Variants in GCM1 observed in about 807,000 individuals in gnomAD.
GCM1 encodes the protein GCM transcription factor 1, also known as chorion-specific transcription factor GCMa.
GCM1 carries 2 observed loss-of-function variants against 25.7 expected under a neutral mutation model. The observed-to-expected ratio is 0.08, with a 90% confidence interval of 0.03 to 0.24. The LOEUF is 0.24. Among genes scored for constraint, GCM1 ranks in the 10% least tolerant of loss-of-function variants. The pLI is 1.00. For synonymous variants in GCM1, 183 were observed against 195.7 expected, an observed-to-expected ratio of 0.94 and a Z score of 0.54; for missense variants, 395 against 538.7, an observed-to-expected ratio of 0.73 and a Z score of 2.64.
chr6:53,128,344 G>A lies in GCM1; in HGVS notation c.1173C>T (p.Phe391=), dbSNP rs1440828593. ...YHSPQEDPFL[F]TYASHPHQQY... ...GCTGATGAGGATGAGAGGCGTAGGT[G>A]AAGAGAAAGGGGTCTTCTTGAGGTG... is the stretch of plus-strand genomic sequence containing the variant. The change falls in exon 6 of 6, where the codon TTC becomes TTT. Residue 391 remains phenylalanine, a synonymous_variant. Transcript: ENST00000259803. The A allele has an allele frequency of 6.2e-7, 1 of 1,613,948 alleles. No homozygotes were observed. The highest frequency in any genetic ancestry group is 8.5e-7 in the Non-Finnish European group (1 of 1,179,928).
At chr6:53,144,801 G>C (rs529918999) in intron 2 of GCM1, among the ~76,000 whole-genome samples, 70 of 151,898 alleles carry the variant, frequency 4.6e-4, no homozygotes, top group Non-Finnish European at 8.4e-4. Context: ...TATGGTCCCA[G>C]CTACTTGGGA....
intron 3 of GCM1, 84 bp from the exon 4 acceptor site, chr6:53,132,203 C>T: frequency 1.1e-6 from 1 of 869,806 alleles, no homozygotes; most frequent in Non-Finnish European, 2.0e-6. Context: ...GATTTTAGCC[C>T]TGACTCAAGG....
Position 53,128,654 on chromosome 6 carries a change from T to G in GCM1, c.863A>C (p.Tyr288Ser), listed in dbSNP as rs1446055293. 1 of 1,613,754 alleles carries G rather than the reference T, an allele frequency of 6.2e-7. No individual in the cohort carries two copies. The highest frequency in any genetic ancestry group is 8.5e-7 in the Non-Finnish European group (1 of 1,179,768). Residue 288 changes from tyrosine to serine, a missense_variant, in exon 6 of 6, where the codon TAC (tyrosine) becomes TCC (serine). By Grantham distance (144) the Tyr-to-Ser change is moderately radical (BLOSUM62 -2). This residue lies in a region of GCM1 where 291 missense variants were observed against 314.6 expected (regional missense o/e 0.92). Coordinates refer to ENST00000259803, the MANE Select transcript of GCM1 (RefSeq NM_003643.4). ...DLLPPSASGV[Y>S]SDHGDLQAWS... The stretch of plus-strand genomic sequence containing the variant: ...CGCTTGTAGATCGCCATGATCAGAG[T>G]AGACTCCGGAGGCAGAAGGAGGAAG...
chr6:53,144,598 C>T (rs1322006270), intron 2 of GCM1, among the ~76,000 whole-genome samples: 1 of 147,190 alleles, frequency 6.8e-6, no homozygotes, highest in Admixed American at 7.0e-5. Context: ...TCAGGACCAG[C>T]CTGGGCAACA....
At chr6:53,142,026 A>AGG (rs1763881226) in intron 2 of GCM1, among the ~76,000 whole-genome samples, 1 of 139,412 alleles carries the variant, frequency 7.2e-6, no homozygotes, top group Non-Finnish European at 1.5e-5. Flanking sequence ...AAAAAAAAAA[A>AGG]AAAAAAAAAA....
intron 2 of GCM1, among the ~76,000 whole-genome samples, chr6:53,134,865 C>A (rs901272950): frequency 6.6e-6 from 1 of 152,176 alleles, no homozygotes; most frequent in African/African-American, 2.4e-5. Context: ...TCTCGTACCA[C>A]TCTGTGGTTA....
chr6:53,136,026 T>C (rs1763793345), intron 2 of GCM1, among the ~76,000 whole-genome samples: 1 of 152,232 alleles, frequency 6.6e-6, no homozygotes, highest in African/African-American at 2.4e-5. Flanking sequence ...AAACTATAGA[T>C]TCCATATAAC....
At chr6:53,144,781 G>T (rs762637963) in intron 2 of GCM1, among the ~76,000 whole-genome samples, 2 of 151,954 alleles carry the variant, frequency 1.3e-5, no homozygotes, top group Non-Finnish European at 2.9e-5. Context: ...TGGGCTTGTT[G>T]GCGTGTGCCT....
chr6:53,129,772 C>G (rs1206652650), intron 5 of GCM1, among the ~76,000 whole-genome samples: 1 of 152,110 alleles, frequency 6.6e-6, no homozygotes, highest in Non-Finnish European at 1.5e-5. Flanking sequence ...TTCCTTTCCT[C>G]AAGAGATTTT....
At chr6:53,135,796 TA>T (rs746958284) in intron 2 of GCM1, among the ~76,000 whole-genome samples, 4 of 151,494 alleles carry the variant, frequency 2.6e-5, no homozygotes, top group Admixed American at 1.3e-4. Context: ...GCCCACAACA[TA>T]AAAAAAAGAC....
At chr6:53,130,009 A>G (rs1581848607) in intron 5 of GCM1, among the ~76,000 whole-genome samples, 1 of 152,314 alleles carries the variant, frequency 6.6e-6, no homozygotes, top group Non-Finnish European at 1.5e-5. Flanking sequence ...GGTAGATTGG[A>G]TGAGAGACTG....
chr6:53,145,494 G>A (rs539581859), intron 2 of GCM1, 64 bp downstream of exon 2: 13 of 865,522 alleles, frequency 1.5e-5, no homozygotes, highest in South Asian at 4.0e-5. Flanking sequence ...CCAGGTCTCC[G>A]CATGTTAATA....
At chr6:53,135,169 C>T (rs1763781394) in intron 2 of GCM1, among the ~76,000 whole-genome samples, 2 of 152,158 alleles carry the variant, frequency 1.3e-5, no homozygotes, top group African/African-American at 4.8e-5. Context: ...ATTCAACGGA[C>T]AAAGTTTCCA....
In GCM1 at chr6:53,127,679, G is replaced by C. The variant is rs1763659461; in HGVS notation, c.*527C>G. The C allele has an allele frequency of 6.6e-6, 1 of 152,420 alleles. No individual in the cohort carries two copies. The highest frequency in any genetic ancestry group is 1.5e-5 in the Non-Finnish European group (1 of 68,284). 9.4% of individuals were successfully genotyped at this position (152,420 alleles called of 1,614,324 possible). On this transcript the variant is annotated 3_prime_UTR_variant, in exon 6 of 6. Coordinates refer to ENST00000259803, the MANE Select transcript of GCM1 (RefSeq NM_003643.4). ...GGGACAGGTTTCCATTCCTTACTGA[G>C]GGTGGAAATACTAGAGTGGAGGAGA...
intron 2 of GCM1, among the ~76,000 whole-genome samples, chr6:53,144,662 G>T (rs937931597): frequency 1.3e-5 from 2 of 151,356 alleles, no homozygotes; most frequent in African/African-American, 4.9e-5. Context: ...AATTAGCTGG[G>T]TGTGCCTGTG....
At chr6:53,142,870 CAAAAAAAAAAAAA>C (rs60718730) in intron 2 of GCM1, among the ~76,000 whole-genome samples, 605 of 37,578 alleles carry the variant, frequency 0.016, 6 homozygotes, top group Non-Finnish European at 0.026. Flanking sequence ...CAAGGATCTC[CAAAAAAAAAAAAA>C]AAAAAAAAAA....
chr6:53,139,903 C>T (rs1562090165), intron 2 of GCM1, among the ~76,000 whole-genome samples: 1 of 151,988 alleles, frequency 6.6e-6, no homozygotes, highest in Non-Finnish European at 1.5e-5. Context: ...GGACAAAGTT[C>T]CTTATTTACT....
chr6:53,142,859 T>A (rs1478927025), intron 2 of GCM1, among the ~76,000 whole-genome samples: 2 of 37,384 alleles, frequency 5.3e-5, no homozygotes, highest in East Asian at 1.4e-3. Flanking sequence ...GGTAAACAAC[T>A]CAAGGATCTC....
At chr6:53,142,823 CAG>C (rs1356048254) in intron 2 of GCM1, among the ~76,000 whole-genome samples, 1 of 128,974 alleles carries the variant, frequency 7.8e-6, no homozygotes, top group Non-Finnish European at 1.6e-5. Flanking sequence ...CCCTCATTTT[CAG>C]AGAGGAAAGG....
Sources: allele counts gnomAD v4.1 joint callset (sites outside exome capture counted in the v4.1 genomes callset), GRCh38; gene constraint gnomAD v4.1.1; regional missense constraint gnomAD v4.1.1; transcripts MANE v1.5; gene names NCBI Gene and HGNC (gene_info 2026-07-23, HGNC 2026-07-21).